Variants in IL1RAPL1 observed in about 807,000 individuals in gnomAD.
IL1RAPL1 encodes the protein interleukin-1 receptor accessory protein-like 1.
A neutral mutation model predicts 48.4 loss-of-function variants in IL1RAPL1; 3 were observed. The observed-to-expected ratio is 0.06, with a 90% confidence interval of 0.03 to 0.16. The LOEUF (loss-of-function observed/expected upper bound fraction) is 0.16, where lower values mean the gene tolerates loss of function less well. Ranked by LOEUF, IL1RAPL1 falls within the 10% of genes least tolerant of loss-of-function variation. The probability of loss-of-function intolerance (pLI) is 1.00; values close to 1 mark genes in which losing one functional copy is unlikely to be tolerated. For synonymous variants in IL1RAPL1, 185 were observed against 187.7 expected, an observed-to-expected ratio of 0.99 and a Z score of 0.12; for missense variants, 349 against 530.6, an observed-to-expected ratio of 0.66 and a Z score of 3.36.
intron 6 of IL1RAPL1, among the ~76,000 whole-genome samples, chrX:29,742,873 T>C (rs1928240520): frequency 9.0e-6 from 1 of 111,257 alleles, no homozygotes; most frequent in African/African-American, 3.3e-5. Context: ...GAAGAGTGGC[T>C]GTGGCATGGA....
intron 5 of IL1RAPL1, among the ~76,000 whole-genome samples, chrX:29,576,670 T>A (rs770972902): frequency 9.0e-6 from 1 of 111,185 alleles, no homozygotes; most frequent in Non-Finnish European, 1.9e-5. Context: ...GGTAGTGACT[T>A]GCTAGAAGGT....
chrX:29,695,597 CGAGAGAGAGAGA>C (rs10635140), intron 6 of IL1RAPL1, among the ~76,000 whole-genome samples: 8 of 94,874 alleles, frequency 8.4e-5, no homozygotes, highest in East Asian at 3.4e-4. Context: ...TGCAAGGTGG[CGAGAGAGAGAGA>C]GAGAGAGAGA....
chrX:29,594,983 G>A (rs940734811), intron 5 of IL1RAPL1, among the ~76,000 whole-genome samples: 1 of 111,942 alleles, frequency 8.9e-6, no homozygotes, highest in African/African-American at 3.2e-5. Context: ...AACATGCGAT[G>A]TTTGATTTTC....
intron 5 of IL1RAPL1, among the ~76,000 whole-genome samples, chrX:29,466,631 A>G (rs1934865771): frequency 8.9e-6 from 1 of 112,383 alleles, no homozygotes; most frequent in Admixed American, 9.4e-5. Flanking sequence ...AGTTCTGATC[A>G]CTGGCTGAAC....
At chrX:29,268,523 G>A (rs756295181) in intron 2 of IL1RAPL1, among the ~76,000 whole-genome samples, 1 of 112,113 alleles carries the variant, frequency 8.9e-6, no homozygotes, top group South Asian at 3.7e-4. Flanking sequence ...ATAAATATGT[G>A]TGCATGTGTA....
chrX:28,711,493 A>G (rs1372984526), intron 1 of IL1RAPL1, among the ~76,000 whole-genome samples: 1 of 110,400 alleles, frequency 9.1e-6, no homozygotes, highest in Non-Finnish European at 1.9e-5. Flanking sequence ...GAGAGCTATC[A>G]GCGTAAATAA....
intron 5 of IL1RAPL1, among the ~76,000 whole-genome samples, chrX:29,642,756 C>G (rs1017883992): frequency 2.7e-5 from 3 of 111,954 alleles, no homozygotes; most frequent in Admixed American, 9.5e-5. Flanking sequence ...CCAGGGTGCT[C>G]TACAAAAATT....
At chrX:28,695,213 T>C (rs910778754) in intron 1 of IL1RAPL1, among the ~76,000 whole-genome samples, 2 of 111,696 alleles carry the variant, frequency 1.8e-5, no homozygotes, top group African/African-American at 6.5e-5. Context: ...AATGCTTTAC[T>C]AAGCTTTTGC....
At chrX:29,134,914 C>T (rs1468757812) in intron 2 of IL1RAPL1, among the ~76,000 whole-genome samples, 1 of 111,903 alleles carries the variant, frequency 8.9e-6, no homozygotes, top group Non-Finnish European at 1.9e-5. Flanking sequence ...GTGCTCCATC[C>T]TCTCCCATTT....
At chrX:29,540,287 A>T (rs1921393914) in intron 5 of IL1RAPL1, among the ~76,000 whole-genome samples, 1 of 111,372 alleles carries the variant, frequency 9.0e-6, no homozygotes, top group African/African-American at 3.3e-5. Context: ...TAGATGTCAC[A>T]AACAAGTGGT....
intron 3 of IL1RAPL1, among the ~76,000 whole-genome samples, chrX:29,288,583 C>T (rs949436646): frequency 1.8e-5 from 2 of 111,908 alleles, no homozygotes; most frequent in African/African-American, 6.5e-5. Flanking sequence ...GGGTTGATTG[C>T]ATGTTTTTGC....
At chrX:28,772,008 C>G (rs913588958) in intron 1 of IL1RAPL1, among the ~76,000 whole-genome samples, 1 of 104,893 alleles carries the variant, frequency 9.5e-6, no homozygotes, top group Non-Finnish European at 2.0e-5. Context: ...TTGGAAACAA[C>G]TTTTACAGAA....
At chrX:29,411,620 G>A (rs28699357) in intron 5 of IL1RAPL1, among the ~76,000 whole-genome samples, 1,369 of 110,385 alleles carry the variant, frequency 0.012, 23 homozygotes, top group African/African-American at 0.043. Flanking sequence ...CTTTCTGTCC[G>A]TCCCAGGTGT....
At position 29,805,504 on chromosome X, in the gene IL1RAPL1, T is replaced by C. The variant is rs997709427; in HGVS notation, c.779-111960T>C. Among the ~76,000 whole-genome samples the C allele has an allele frequency of 9.0e-5, 10 of 111,324 alleles. No homozygotes were observed. The Admixed American group carries it at 9.6e-4, about 11-fold the overall frequency. ...AAAAGCACTCCACTTGCTTTGGGCA[T>C]ATGCCAGGCCTGAATGAGTCTCTTA... On this transcript the variant is annotated intron_variant, in intron 6 of 10. Coordinates refer to ENST00000378993, the MANE Select transcript of IL1RAPL1 (RefSeq NM_014271.4).
intron 3 of IL1RAPL1, among the ~76,000 whole-genome samples, chrX:29,368,319 A>C (rs1171967670): frequency 8.9e-6 from 1 of 112,372 alleles, no homozygotes; most frequent in Non-Finnish European, 1.9e-5. Flanking sequence ...ACAATTCAAA[A>C]AATGAAGGAA....
intron 5 of IL1RAPL1, among the ~76,000 whole-genome samples, chrX:29,547,693 A>G (rs888147638): frequency 2.7e-5 from 3 of 112,155 alleles, no homozygotes; most frequent in Non-Finnish European, 3.8e-5. Context: ...GCTTTCTTAA[A>G]GACAATTTGC....
chrX:29,314,105 G>T (rs1231177426), intron 3 of IL1RAPL1, among the ~76,000 whole-genome samples: 2 of 111,726 alleles, frequency 1.8e-5, no homozygotes, highest in Non-Finnish European at 3.8e-5. Flanking sequence ...CAAAACAACC[G>T]CCATAATAGC....
chrX:29,678,315 A>G (rs560424679), intron 6 of IL1RAPL1, among the ~76,000 whole-genome samples: 1 of 101,730 alleles, frequency 9.8e-6, no homozygotes, highest in Non-Finnish European at 2.0e-5. Flanking sequence ...GCTTCCTTCC[A>G]ATTCACCACA....
intron 6 of IL1RAPL1, among the ~76,000 whole-genome samples, chrX:29,898,920 T>C (rs1408690735): frequency 1.8e-5 from 2 of 112,091 alleles, no homozygotes; most frequent in Non-Finnish European, 3.8e-5. Context: ...GTAAAGCTAT[T>C]CTCAAGTGAT....
Sources: gnomAD v4.1 joint callset for allele counts (sites outside exome capture counted in the v4.1 genomes callset) on GRCh38, gnomAD v4.1.1 for gene constraint, MANE v1.5 for transcripts, NCBI Gene and HGNC (gene_info 2026-07-23, HGNC 2026-07-21) for gene names.